VPS35: variants seen among roughly 807,000 people sequenced by gnomAD.
The protein encoded by VPS35 is vacuolar protein sorting-associated protein 35.
Under a neutral mutation model 98.1 loss-of-function variants are expected in VPS35, and 21 were observed. That is an observed-to-expected ratio of 0.21 (90% confidence interval 0.15 to 0.31). The LOEUF (loss-of-function observed/expected upper bound fraction) is 0.31, where lower values mean the gene tolerates loss of function less well. Ranked by LOEUF, VPS35 falls within the 10% of genes least tolerant of loss-of-function variation. The pLI, the probability that VPS35 is intolerant of heterozygous loss-of-function variation, is 1.00. For missense variants in VPS35, 554 were observed against 950.8 expected, an observed-to-expected ratio of 0.58 and a Z score of 5.49; for synonymous variants, 268 against 318.2, an observed-to-expected ratio of 0.84 and a Z score of 1.68.
intron 10 of VPS35, 89 bp from the exon 11 acceptor site, chr16:46,672,561 T>G: frequency 8.7e-7 from 1 of 1,151,892 alleles, no homozygotes; most frequent in South Asian, 1.3e-5. Context: ...TTGAAATTTT[T>G]CATTACACAT....
chr16:46,681,444 C>T lies in VPS35; in HGVS notation c.256G>A (p.Ala86Thr). 6.2e-7 allele frequency: 1 copy of T among 1,613,696 alleles called. No homozygotes were observed. The highest frequency in any genetic ancestry group is 8.5e-7 in the Non-Finnish European group (1 of 1,179,762). ...YLEVYLTDEF[A>T]KGRKVADLYE... ...AGATCTGCCACTTTCCTTCCTTTAG[C>T]AAACTCATCTGTCAGGTAGACCTCC... Residue 86 changes from alanine (A) to threonine (T), a missense_variant, in exon 4 of 17, where the codon GCT (alanine) becomes ACT (threonine). Physicochemically the swap from Ala to Thr is moderately conservative, Grantham distance 58 (BLOSUM62 0). Transcript: ENST00000299138.
intron 1 of VPS35, among the ~76,000 whole-genome samples, chr16:46,687,161 T>C (rs1270474525): frequency 6.6e-6 from 1 of 152,228 alleles, no homozygotes; most frequent in Non-Finnish European, 1.5e-5. Context: ...TCCCTGCTTA[T>C]ATGCTGTAGA....
chr16:46,678,374 G>T (rs574739601), intron 6 of VPS35, among the ~76,000 whole-genome samples: 10 of 150,418 alleles, frequency 6.6e-5, no homozygotes, highest in African/African-American at 2.4e-4. Context: ...AACTTATGTT[G>T]GGCCATATTC....
At chr16:46,688,909 T>C in intron 1 of VPS35, 2 of 1,456,418 alleles carry the variant, frequency 1.4e-6, no homozygotes, top group Non-Finnish European at 1.8e-6. Flanking sequence ...GCCCCGTCTC[T>C]CAGCAACGGC....
In VPS35 at chr16:46,672,373, A is replaced by G. The variant is rs1439618019; in HGVS notation, c.1260T>C (p.His420=). Residue 420 remains histidine, a synonymous_variant, in exon 11 of 17, where the codon CAT becomes CAC. Transcript: ENST00000299138. ...CAAAGTACTCAAAGAGTGGGTGAAAATGTTTTAATTTCAAGACTGTTAAAA... is the reference window on the plus strand; with the variant it reads ...CAAAGTACTCAAAGAGTGGGTGAAAGTGTTTTAATTTCAAGACTGTTAAAA... The part of the protein sequence containing the change: ...NNILTVLKLK[H]FHPLFEYFDY... The G allele has an allele frequency of 4.3e-6, 7 of 1,613,664 alleles. No homozygotes were observed. The highest frequency in any genetic ancestry group is 5.9e-6 in the Non-Finnish European group (7 of 1,179,826).
At chr16:46,680,595 GTA>G in intron 5 of VPS35, 74 bp downstream of exon 5, 1 of 1,467,876 alleles carries the variant, frequency 6.8e-7, no homozygotes, top group Non-Finnish European at 9.4e-7. Flanking sequence ...CTTTGTTTCT[GTA>G]TATGTTTCCA....
intron 16 of VPS35, 180 bp from the exon 17 acceptor site, chr16:46,660,831 A>AAC (rs1555522916): frequency 2.9e-6 from 2 of 686,152 alleles, no homozygotes; most frequent in African/African-American, 1.8e-5. Context: ...AAAAAAAAAA[A>AAC]AAAAAAAACA....
rs1299259931 is a variant in VPS35, at chr16:46,674,631, C to T, written c.944G>A (p.Gly315Glu). The T allele has an allele frequency of 6.2e-7, 1 of 1,611,008 alleles. No homozygotes were observed. ...RLALFAHRED[G>E]PGIPADIKLF... is the part of the protein sequence containing the mutation. ...TTTAATATCCGCTGGGATTCCAGGTCCATCTTCACGGTGAGCAAATAAAGC... is the reference window on the plus strand; with the variant it reads ...TTTAATATCCGCTGGGATTCCAGGTTCATCTTCACGGTGAGCAAATAAAGC... The change falls in exon 9 of 17, where the codon GGA becomes GAA. Residue 315 changes from glycine to glutamate, a missense_variant. Gly to Glu is a moderately conservative substitution (Grantham distance 98, BLOSUM62 -2). Coordinates refer to ENST00000299138, the MANE Select transcript of VPS35 (RefSeq NM_018206.6).
At position 46,671,758 on chromosome 16, in the gene VPS35, C is replaced by T. The variant is rs766248974; in HGVS notation, c.1471G>A (p.Val491Met). The T allele has an allele frequency of 1.2e-6, 2 of 1,614,142 alleles. No homozygotes were observed. Among genetic ancestry groups the T allele is most frequent in the Non-Finnish European group, 1.7e-6 (2 of 1,180,010 alleles). Residue 491 changes from valine to methionine, a missense_variant, in exon 12 of 17, where the codon GTG becomes ATG. Val to Met is a conservative substitution (Grantham distance 21, BLOSUM62 1). This residue lies in a region of VPS35 where 254 missense variants were observed against 390.1 expected (regional missense o/e 0.65). Transcript: ENST00000299138. ...CGCAGCAGATGAATGAAGCGGCCCA[C>T]AAGGCTCTGCTCATCAGCAAAATCT... Reference protein sequence around the residue: ...PEDFADEQSLVGRFIHLLRSE... With the variant: ...PEDFADEQSLMGRFIHLLRSE...
rs1042064582 is a variant in VPS35, at chr16:46,672,581, T to C, written c.1161-109A>G. On this transcript the variant is annotated intron_variant, in intron 10 of 16. Transcript: ENST00000299138. The stretch of plus-strand genomic sequence containing the variant: ...ATTTTTCATTACACATTAAAGGAAA[T>C]GGGTCAAGTGAATCATACCACCACA... 14 of 897,278 alleles carry C rather than the reference T, an allele frequency of 1.6e-5. No individual in the cohort carries two copies. In the African/African-American group the frequency reaches 2.0e-4, roughly 13 times the overall value. The allele number at this position is 897,278 out of a possible 1,614,324, so 55.6% of individuals were successfully genotyped here.
chr16:46,685,944 T>C (rs7190713), intron 1 of VPS35, among the ~76,000 whole-genome samples: 27,767 of 152,090 alleles, frequency 0.18, 2,947 homozygotes, highest in African/African-American at 0.28. Context: ...CATTTAAATG[T>C]ACAGTTCAGT....
Position 46,656,382 on chromosome 16 carries a change from C to T in VPS35, c.*4090G>A, listed in dbSNP as rs148640437. On this transcript the variant is annotated 3_prime_UTR_variant, in exon 17 of 17. Transcript: ENST00000299138. ...TGGCACATCCTTGTTTATGGGAGGT[C>T]AGCAAAGCATTTGAAACCACCTTTA... is the stretch of plus-strand genomic sequence containing the variant. 6.6e-6 allele frequency: 1 copy of T among 152,288 alleles called. No homozygotes were observed. Among genetic ancestry groups the T allele is most frequent in the East Asian group, 1.9e-4 (1 of 5,190 alleles). The allele number at this position is 152,288 out of a possible 1,614,324, so 9.4% of individuals were successfully genotyped here.
chr16:46,684,650 T>C (rs539972260), intron 1 of VPS35, among the ~76,000 whole-genome samples: 2 of 152,348 alleles, frequency 1.3e-5, no homozygotes, highest in East Asian at 1.9e-4. Context: ...CACCACAGCA[T>C]GTATCACATT....
intron 1 of VPS35, chr16:46,688,882 A>T (rs1434766245): frequency 7.0e-7 from 1 of 1,438,014 alleles, no homozygotes; most frequent in East Asian, 2.5e-5. Flanking sequence ...ATGCCAAGTC[A>T]ACCCCACAGA....
At chr16:46,666,471 T>C (rs1965990891) in intron 13 of VPS35, among the ~76,000 whole-genome samples, 1 of 152,020 alleles carries the variant, frequency 6.6e-6, no homozygotes. Flanking sequence ...TTTCTCCATG[T>C]TGGTCAGGCT....
In VPS35 at chr16:46,660,476, A is replaced by T; in HGVS notation, c.2387T>A (p.Leu796His). 1 of 1,613,840 alleles carries T rather than the reference A, an allele frequency of 6.2e-7. No homozygotes were observed. The highest frequency in any genetic ancestry group is 2.2e-5 in the East Asian group (1 of 44,864). Residue 796 changes from leucine (L) to histidine (H), a missense_variant, in exon 17 of 17, where the codon CTT (leucine) becomes CAT (histidine). This residue lies in a region of VPS35 where 153 missense variants were observed against 211.0 expected (regional missense o/e 0.73). Transcript: ENST00000299138. ...SEGPIYEGLI[L>H] ...GTATGGTGAGCTATTTCCTTTTTAA[A>T]GGATGAGACCTTCATAAATTGGCCC...
intron 1 of VPS35, chr16:46,688,911 A>G: frequency 2.1e-6 from 3 of 1,457,222 alleles, no homozygotes; most frequent in Non-Finnish European, 2.7e-6. Context: ...CCCGTCTCTC[A>G]GCAACGGCCG....
chr16:46,680,419 A>G lies in VPS35; in HGVS notation c.506+252T>C, dbSNP rs531680431. Among the ~76,000 whole-genome samples the G allele has an allele frequency of 1.8e-4, 28 of 152,370 alleles. No homozygotes were observed. In the South Asian group the frequency reaches 5.6e-3, roughly 30 times the overall value. On this transcript the variant is annotated intron_variant, in intron 5 of 16. Coordinates refer to ENST00000299138, the MANE Select transcript of VPS35 (RefSeq NM_018206.6). ...TTCAAAGAAGATTTAATGTAGTAGA[A>G]AAAATTACATTAAATGAAAAAAGCA...
chr16:46,664,449 A>G (rs530430006), intron 13 of VPS35, among the ~76,000 whole-genome samples: 9 of 152,022 alleles, frequency 5.9e-5, no homozygotes, highest in Non-Finnish European at 1.3e-4. Flanking sequence ...GAGCCACTGC[A>G]TCTAGACCTT....
Sources: gnomAD v4.1 joint callset for allele counts (sites outside exome capture counted in the v4.1 genomes callset) on GRCh38, gnomAD v4.1.1 for gene constraint, gnomAD v4.1.1 regional missense constraint, MANE v1.5 for transcripts, NCBI Gene and HGNC (gene_info 2026-07-23, HGNC 2026-07-21) for gene names.